The following CNTN5 variants were observed in gnomAD, a reference collection of about 807,000 sequenced individuals.
CNTN5 encodes the protein contactin-5.
In CNTN5, 77 loss-of-function variants were observed where a neutral mutation model predicts 129.1. That is an observed-to-expected ratio of 0.60 (90% CI 0.50 to 0.72). CNTN5 has a LOEUF of 0.72. Among genes scored for constraint, CNTN5 ranks in the 30% least tolerant of loss-of-function variants. The probability of loss-of-function intolerance (pLI) is 0.00; values close to 1 mark genes in which losing one functional copy is unlikely to be tolerated. For missense variants in CNTN5, 1,478 were observed against 1,328.8 expected, an observed-to-expected ratio of 1.11 and a Z score of -1.75; for synonymous variants, 509 against 465.6, an observed-to-expected ratio of 1.09 and a Z score of -1.20.
intron 6 of CNTN5, among the ~76,000 whole-genome samples, chr11:99,891,051 C>A (rs1949045736): frequency 6.6e-6 from 1 of 152,048 alleles, no homozygotes; most frequent in South Asian, 2.1e-4. Context: ...AAAGACATGA[C>A]AACAATGTAA....
At chr11:99,797,777 T>G (rs918221612) in intron 3 of CNTN5, among the ~76,000 whole-genome samples, 3 of 152,150 alleles carry the variant, frequency 2.0e-5, no homozygotes, top group African/African-American at 4.8e-5. Flanking sequence ...TTTAGTTTAA[T>G]TAGGTCCCAC....
intron 8 of CNTN5, among the ~76,000 whole-genome samples, chr11:100,001,644 A>G (rs1189630702): frequency 6.6e-6 from 1 of 152,250 alleles, no homozygotes; most frequent in African/African-American, 2.4e-5. Context: ...CGTGCATATT[A>G]TAGATATTCA....
At chr11:100,028,414 A>G (rs949404564) in intron 9 of CNTN5, among the ~76,000 whole-genome samples, 1 of 152,236 alleles carries the variant, frequency 6.6e-6, no homozygotes, top group Non-Finnish European at 1.5e-5. Flanking sequence ...AACAATTCCT[A>G]CATCATAGAG....
At chr11:99,328,842 C>T (rs1865887495) in intron 2 of CNTN5, among the ~76,000 whole-genome samples, 1 of 131,462 alleles carries the variant, frequency 7.6e-6, no homozygotes, top group Non-Finnish European at 1.6e-5. Context: ...TGCACTCCAG[C>T]CTGGGCAACA....
chr11:99,043,896 T>C (rs1864103654), intron 1 of CNTN5, among the ~76,000 whole-genome samples: 1 of 152,190 alleles, frequency 6.6e-6, no homozygotes, highest in Non-Finnish European at 1.5e-5. Flanking sequence ...ATGTGACCAT[T>C]TCAGCTCCGT....
At chr11:99,404,119 T>G (rs1941961233) in intron 2 of CNTN5, among the ~76,000 whole-genome samples, 1 of 152,070 alleles carries the variant, frequency 6.6e-6, no homozygotes, top group South Asian at 2.1e-4. Context: ...ACCTTCTTAG[T>G]GTCTTCTTAT....
At chr11:99,678,335 C>A (rs1043614351) in intron 3 of CNTN5, among the ~76,000 whole-genome samples, 3 of 150,328 alleles carry the variant, frequency 2.0e-5, no homozygotes, top group African/African-American at 7.5e-5. Flanking sequence ...GGATTATATA[C>A]TCTAATATAT....
chr11:99,268,131 C>A (rs1484964762), intron 1 of CNTN5, among the ~76,000 whole-genome samples: 1 of 151,804 alleles, frequency 6.6e-6, no homozygotes, highest in Non-Finnish European at 1.5e-5. Context: ...TTTCTGAGCT[C>A]CATTATCTCA....
intron 1 of CNTN5, among the ~76,000 whole-genome samples, chr11:99,318,250 CATTTA>C (rs1356150093): frequency 6.6e-6 from 1 of 152,020 alleles, no homozygotes; most frequent in Non-Finnish European, 1.5e-5. Context: ...TCATTGTGGC[CATTTA>C]ATTCTGTTGT....
chr11:99,766,671 CTT>C (rs1944766769), intron 3 of CNTN5, among the ~76,000 whole-genome samples: 1 of 151,986 alleles, frequency 6.6e-6, no homozygotes, highest in Admixed American at 6.6e-5. Flanking sequence ...CTGCTGTTAA[CTT>C]ATTTTTTCAT....
intron 3 of CNTN5, among the ~76,000 whole-genome samples, chr11:99,578,202 C>T (rs894912607): frequency 1.3e-5 from 2 of 151,962 alleles, no homozygotes; most frequent in African/African-American, 4.8e-5. Context: ...TGTATATGTG[C>T]CACATTTTCT....
chr11:99,980,892 A>T (rs868539370), intron 8 of CNTN5, among the ~76,000 whole-genome samples: 2 of 151,836 alleles, frequency 1.3e-5, no homozygotes, highest in African/African-American at 2.4e-5. Context: ...CATTTTATCA[A>T]TGTCAAAGAG....
intron 21 of CNTN5, chr11:100,309,572 A>C: frequency 2.0e-6 from 2 of 983,206 alleles, no homozygotes; most frequent in South Asian, 9.4e-5. Flanking sequence ...TGCATGTTTA[A>C]TGTGATGAAT....
chr11:99,536,939 C>A (rs1947924879), intron 2 of CNTN5, among the ~76,000 whole-genome samples: 1 of 151,028 alleles, frequency 6.6e-6, no homozygotes, highest in African/African-American at 2.4e-5. Flanking sequence ...AAAATAGAAT[C>A]ATTTCAACAT....
chr11:99,559,425 A>G (rs1413023029), intron 3 of CNTN5, among the ~76,000 whole-genome samples: 2 of 152,170 alleles, frequency 1.3e-5, no homozygotes, highest in Non-Finnish European at 2.9e-5. Context: ...GTAGTCATAA[A>G]AGCTTGGCAT....
intron 1 of CNTN5, among the ~76,000 whole-genome samples, chr11:99,131,682 C>A (rs1427046000): frequency 1.3e-5 from 2 of 152,082 alleles, no homozygotes; most frequent in African/African-American, 4.8e-5. Flanking sequence ...CACATATACC[C>A]TCCCAAGACT....
chr11:99,736,011 TTC>T (rs1212604335), intron 3 of CNTN5, among the ~76,000 whole-genome samples: 1 of 147,696 alleles, frequency 6.8e-6, no homozygotes, highest in South Asian at 2.1e-4. Flanking sequence ...TTCTTTTTCT[TTC>T]TCTTTTTTTT....
intron 1 of CNTN5, among the ~76,000 whole-genome samples, chr11:99,113,837 G>T (rs1204149422): frequency 6.6e-6 from 1 of 152,056 alleles, no homozygotes. Context: ...ATTACATAAA[G>T]AGATAAAGAG....
intron 1 of CNTN5, among the ~76,000 whole-genome samples, chr11:99,288,942 T>C (rs1030140377): frequency 6.6e-6 from 1 of 151,834 alleles, no homozygotes; most frequent in Non-Finnish European, 1.5e-5. Context: ...GGGACTTGGC[T>C]GTGTATTTGG....
Sources: gnomAD v4.1 joint callset for allele counts (sites outside exome capture counted in the v4.1 genomes callset) on GRCh38, gnomAD v4.1.1 for gene constraint, MANE v1.5 for transcripts, NCBI Gene and HGNC (gene_info 2026-07-23, HGNC 2026-07-21) for gene names.